FUBP3: variants seen among roughly 807,000 people sequenced by gnomAD.
FUBP3 encodes the protein far upstream element-binding protein 3.
FUBP3 carries 28 observed loss-of-function variants against 85.6 expected under a neutral mutation model. The observed-to-expected ratio is 0.33, with a 90% CI of 0.24 to 0.45. FUBP3 has a LOEUF of 0.45. Among genes scored for constraint, FUBP3 ranks in the 20% least tolerant of loss-of-function variants. The pLI, the probability that FUBP3 is intolerant of heterozygous loss-of-function variation, is 1.00. For synonymous variants in FUBP3, 271 were observed against 271.4 expected (o/e 1.00, Z 0.01); for missense variants, 583 against 755.1 (o/e 0.77, Z 2.67).
chr9:130,579,593 T>A lies in FUBP3; in HGVS notation c.-88T>A, dbSNP rs1564183352. 3.7e-6 allele frequency: 3 copies of A among 808,754 alleles called. No homozygotes were observed. Among genetic ancestry groups the A allele is most frequent in the Non-Finnish European group, 5.0e-6 (3 of 604,334 alleles). The allele number at this position is 808,754 out of a possible 1,614,324, so 50.1% of individuals were successfully genotyped here. On this transcript the variant is annotated 5_prime_UTR_variant, in exon 1 of 19. Transcript: ENST00000319725. Reference sequence around the variant, plus strand: ...GCGACTTTCCTTTTCCGGCTACGGGTCCCCAAGCGGAGCGGGAGGCCGGAC... The same window carrying A: ...GCGACTTTCCTTTTCCGGCTACGGGACCCCAAGCGGAGCGGGAGGCCGGAC...
intron 1 of FUBP3, among the ~76,000 whole-genome samples, chr9:130,592,030 G>A (rs1363250395): frequency 5.3e-5 from 8 of 152,154 alleles, no homozygotes; most frequent in Non-Finnish European, 7.3e-5. Flanking sequence ...TCAGGAGTTC[G>A]AGACCAGCCT....
At chr9:130,632,407 C>A in intron 16 of FUBP3, 129 bp downstream of exon 16, 1 of 704,372 alleles carries the variant, frequency 1.4e-6, no homozygotes, top group Non-Finnish European at 2.4e-6. Flanking sequence ...TGACAAGGAG[C>A]CCTCTGGGTG....
intron 10 of FUBP3, among the ~76,000 whole-genome samples, chr9:130,623,011 T>G (rs1483722527): frequency 1.3e-5 from 2 of 152,212 alleles, no homozygotes; most frequent in Admixed American, 6.5e-5. Context: ...CCCGGATACA[T>G]GTCGGTCACC....
rs186405335 is a variant in FUBP3, at chr9:130,609,048, A to G, written c.191-906A>G. 3.3e-5 allele frequency among the ~76,000 whole-genome samples: 5 copies of G among 152,240 alleles called. No individual in the cohort carries two copies. The East Asian group carries it at 9.7e-4, about 29-fold the overall frequency. On this transcript the variant is annotated intron_variant, in intron 2 of 18. Transcript: ENST00000319725. ...CGTATTTCTGAATGCCCTTTTTAGC[A>G]TGTTGTAAGGTGCATTTGGTTCTTT...
At chr9:130,579,991 T>A (rs1229675140) in intron 1 of FUBP3, among the ~76,000 whole-genome samples, 1 of 152,086 alleles carries the variant, frequency 6.6e-6, no homozygotes, top group Non-Finnish European at 1.5e-5. Context: ...CTGAAGTCGC[T>A]GGGAAAGGGT....
intron 16 of FUBP3, 138 bp downstream of exon 16, chr9:130,632,416 T>TG: frequency 1.5e-6 from 1 of 678,544 alleles, no homozygotes; most frequent in South Asian, 1.7e-5. Context: ...GCCCTCTGGG[T>TG]GGGGCTTGGG....
At chr9:130,591,774 G>C (rs1830637167) in intron 1 of FUBP3, among the ~76,000 whole-genome samples, 1 of 152,190 alleles carries the variant, frequency 6.6e-6, no homozygotes, top group African/African-American at 2.4e-5. Context: ...GAAAGGCTCA[G>C]TCACATTTTG....
At chr9:130,582,671 C>T (rs1830183704) in intron 1 of FUBP3, among the ~76,000 whole-genome samples, 1 of 152,214 alleles carries the variant, frequency 6.6e-6, no homozygotes, top group Non-Finnish European at 1.5e-5. Context: ...TACTGACTGT[C>T]TGCCTAGGTT....
intron 6 of FUBP3, 84 bp downstream of exon 6, chr9:130,614,429 G>A (rs933936501): frequency 3.6e-6 from 3 of 831,280 alleles, no homozygotes; most frequent in Non-Finnish European, 4.1e-6. Flanking sequence ...CACTGTTACT[G>A]AACACTGAGT....
At chr9:130,630,586 C>T in intron 12 of FUBP3, 42 bp from the exon 13 acceptor site, 1 of 1,500,300 alleles carries the variant, frequency 6.7e-7, no homozygotes, top group South Asian at 1.3e-5. Flanking sequence ...GGAGTTGCCG[C>T]AGTCTCTGCT....
chr9:130,587,995 T>G (rs1182925908), intron 1 of FUBP3, among the ~76,000 whole-genome samples: 2 of 152,202 alleles, frequency 1.3e-5, no homozygotes, highest in South Asian at 2.1e-4. Flanking sequence ...TGTCATAGAA[T>G]TCTTTATTTC....
chr9:130,618,610 C>G (rs7870186), intron 8 of FUBP3, among the ~76,000 whole-genome samples: 28,065 of 152,170 alleles, frequency 0.18, 2,711 homozygotes, highest in African/African-American at 0.23. Flanking sequence ...TGTCTGTCCT[C>G]AGTGAAACAC....
At position 130,635,279 on chromosome 9, in the gene FUBP3, C is replaced by A. The variant is rs1054282819; in HGVS notation, c.1582+541C>A. On this transcript the variant is annotated intron_variant, in intron 17 of 18. Coordinates refer to ENST00000319725, the MANE Select transcript of FUBP3 (RefSeq NM_003934.2). This position sits in a 1 kb window ranked among gnomAD's most constrained non-coding sequence, Gnocchi z 4.3. ...CAGCCTTCAGAGCAGGGCGAGGGAC[C>A]CAACAAGCAAAAGGTCTCTGGGGAG... 1.4e-4 allele frequency among the ~76,000 whole-genome samples: 21 copies of A among 152,232 alleles called. No homozygotes were observed. The highest frequency in any genetic ancestry group is 1.1e-3 in the Admixed American group (17 of 15,284).
chr9:130,615,282 C>T (rs571480343), intron 6 of FUBP3, among the ~76,000 whole-genome samples: 1 of 152,314 alleles, frequency 6.6e-6, no homozygotes, highest in Admixed American at 6.5e-5. Context: ...GGAAGATACA[C>T]GAAGCTGATT....
chr9:130,589,705 A>ATATATATATTTTTTTTTTTTT (rs1414691549), intron 1 of FUBP3, among the ~76,000 whole-genome samples: 1 of 73,860 alleles, frequency 1.4e-5, no homozygotes, highest in African/African-American at 7.7e-5. Context: ...ATATATATAT[A>ATATATATATTTTTTTTTTTTT]TTTTTTTTTT....
Position 130,612,859 on chromosome 9 carries a change from A to T in FUBP3, c.275-97A>T. ...GGCCAACTCGATGTGTAGTATTGTG[A>T]GCCAAGTGTCACAGTTTGTGGAATT... On this transcript the variant is annotated intron_variant, in intron 4 of 18. Coordinates refer to ENST00000319725, the MANE Select transcript of FUBP3 (RefSeq NM_003934.2). This position sits in a 1 kb window ranked among gnomAD's most constrained non-coding sequence, Gnocchi z 4.1. 1.2e-6 allele frequency: 1 copy of T among 854,904 alleles called. No homozygotes were observed. The highest frequency in any genetic ancestry group is 2.0e-6 in the Non-Finnish European group (1 of 503,544). The allele number at this position is 854,904 out of a possible 1,614,324, so 53.0% of individuals were successfully genotyped here. A position where few individuals can be genotyped will look rare whatever the true frequency, so the allele number is the denominator to read the frequency against.
At chr9:130,587,012 G>A (rs893951478) in intron 1 of FUBP3, among the ~76,000 whole-genome samples, 8 of 150,534 alleles carry the variant, frequency 5.3e-5, no homozygotes, top group African/African-American at 2.0e-4. Flanking sequence ...GCCTCCCAAA[G>A]TGCTAGGATT....
chr9:130,612,803 C>G lies in FUBP3; in HGVS notation c.275-153C>G, dbSNP rs1181348824. On this transcript the variant is annotated intron_variant, in intron 4 of 18. Transcript: ENST00000319725. The surrounding 1 kb of genome is among the most constrained non-coding windows in gnomAD (Gnocchi z 4.1). ...TTTCACAAGGGCTTTCTGCTGCCATCATGCCCAAAGAGTGGAGATGGGCTC... is the reference window on the plus strand; with the variant it reads ...TTTCACAAGGGCTTTCTGCTGCCATGATGCCCAAAGAGTGGAGATGGGCTC... Among the ~76,000 whole-genome samples, 2 of 152,174 alleles carry G rather than the reference C, an allele frequency of 1.3e-5. No homozygotes were observed.
chr9:130,580,939 T>C (rs1473670470), intron 1 of FUBP3: 1 of 152,256 alleles, frequency 6.6e-6, no homozygotes, highest in Non-Finnish European at 1.5e-5. Context: ...AGACTTCAGA[T>C]CCACCCATGG....
Sources: allele counts gnomAD v4.1 joint callset (sites outside exome capture counted in the v4.1 genomes callset), GRCh38; gene constraint gnomAD v4.1.1; non-coding constraint Gnocchi (gnomAD v3.1); transcripts MANE v1.5; gene names NCBI Gene and HGNC (gene_info 2026-07-23, HGNC 2026-07-21).